The following CABIN1 variants were observed in gnomAD, a reference collection of about 807,000 sequenced individuals.
The protein encoded by CABIN1 is calcineurin-binding protein cabin-1.
Under a neutral mutation model 227.7 loss-of-function variants are expected in CABIN1, and 133 were observed. That is an observed-to-expected ratio of 0.58 (90% CI 0.51 to 0.67). CABIN1 has a LOEUF of 0.67. Among genes scored for constraint, CABIN1 ranks in the 30% least tolerant of loss-of-function variants. The pLI is 0.00. For synonymous variants in CABIN1, 1,086 were observed against 1,155.1 expected, an observed-to-expected ratio of 0.94 and a Z score of 1.21; for missense variants, 2,408 against 2,852.5, an observed-to-expected ratio of 0.84 and a Z score of 3.55.
chr22:24,091,596 G>A lies in CABIN1; in HGVS notation c.3539G>A (p.Arg1180His), dbSNP rs748558069. ...ATCTTCTTACAGATGGAGGGCCGGC[G>A]CGACAGCATGCTAGAGACAGCCAAG... ...PELVQQMEGR[R>H]DSMLETAKHC... The change falls in exon 24 of 37, where the codon CGC becomes CAC. Residue 1180 changes from arginine (R) to histidine (H), a missense_variant. Coordinates refer to ENST00000263119, the MANE Select transcript of CABIN1 (RefSeq NM_012295.4). The A allele has an allele frequency of 1.1e-5, 17 of 1,614,062 alleles. No individual in the cohort carries two copies. Among genetic ancestry groups the A allele is most frequent in the Admixed American group, 3.3e-5 (2 of 60,012 alleles).
chr22:24,156,107 C>G, intron 29 of CABIN1: 1 of 409,470 alleles, frequency 2.4e-6, no homozygotes, highest in East Asian at 3.7e-5. Context: ...GGGGCCGGGA[C>G]TGGGGCCGGG....
chr22:24,012,735 T>C (rs1160280631), intron 1 of CABIN1, among the ~76,000 whole-genome samples: 6 of 152,140 alleles, frequency 3.9e-5, no homozygotes, highest in Non-Finnish European at 8.8e-5. Context: ...TGAATAGATA[T>C]TTTTCTTTTT....
chr22:24,033,843 C>A (rs2146909881), intron 1 of CABIN1, among the ~76,000 whole-genome samples: 1 of 152,300 alleles, frequency 6.6e-6, no homozygotes, highest in South Asian at 2.1e-4. Flanking sequence ...GTAACCACCA[C>A]CACAATCAGT....
intron 27 of CABIN1, 26 bp from the exon 28 acceptor site, chr22:24,119,341 T>C: frequency 6.2e-7 from 1 of 1,602,130 alleles, no homozygotes; most frequent in South Asian, 1.1e-5. Context: ...CCAGGGTGAC[T>C]TTCTTTCCCT....
chr22:24,062,936 C>T (rs2039303182), intron 13 of CABIN1, 23 bp from the exon 14 acceptor site: 1 of 1,611,924 alleles, frequency 6.2e-7, no homozygotes, highest in African/African-American at 1.3e-5. Context: ...ATGAAGTTGA[C>T]TCGTTGGCCT....
intron 28 of CABIN1, among the ~76,000 whole-genome samples, chr22:24,125,031 T>C (rs1056143993): frequency 1.2e-4 from 19 of 152,184 alleles, no homozygotes; most frequent in African/African-American, 4.1e-4. Context: ...TCAGACAGCA[T>C]GGGAAACCTA....
chr22:24,047,410 A>T (rs891326716), intron 6 of CABIN1, among the ~76,000 whole-genome samples: 1 of 152,178 alleles, frequency 6.6e-6, no homozygotes, highest in Non-Finnish European at 1.5e-5. Context: ...TAATGTGCCT[A>T]CTGAGAACCA....
chr22:24,050,348 C>G (rs906134508), intron 7 of CABIN1, among the ~76,000 whole-genome samples: 1 of 152,102 alleles, frequency 6.6e-6, no homozygotes, highest in South Asian at 2.1e-4. Context: ...GAGGTTAGGT[C>G]GCCTCAGAAG....
chr22:24,065,651 G>A (rs1448473398), intron 15 of CABIN1, among the ~76,000 whole-genome samples: 1 of 152,238 alleles, frequency 6.6e-6, no homozygotes, highest in Non-Finnish European at 1.5e-5. Context: ...GCCAAGGCAG[G>A]CGGCTGGGAG....
At chr22:24,075,872 C>T (rs1278508737) in intron 18 of CABIN1, among the ~76,000 whole-genome samples, 1 of 152,066 alleles carries the variant, frequency 6.6e-6, no homozygotes, top group Non-Finnish European at 1.5e-5. Context: ...GACTGAGGTT[C>T]ACCAGATGTC....
rs2040035381 is a variant in CABIN1 at position 24,070,871 on chromosome 22, C to G, written c.2304C>G (p.Val768=). 3.1e-6 allele frequency: 5 copies of G among 1,614,208 alleles called. No individual in the cohort carries two copies. Among genetic ancestry groups the G allele is most frequent in the African/African-American group, 1.3e-5 (1 of 75,064 alleles). Residue 768 remains valine, a synonymous_variant, in exon 17 of 37, where the codon GTC becomes GTG. Coordinates refer to ENST00000263119, the MANE Select transcript of CABIN1 (RefSeq NM_012295.4). The stretch of plus-strand genomic sequence containing the variant: ...CCGATGTGGCTCTGAACGAGGCTGT[C>G]CAGCAGATGGTGAACTCAGGTGAGG... ...ECSDVALNEA[V]QQMVNSGEAA...
chr22:24,097,976 G>A (rs769588196), intron 25 of CABIN1, 38 bp from the exon 26 acceptor site: 1 of 1,613,720 alleles, frequency 6.2e-7, no homozygotes, highest in Non-Finnish European at 8.5e-7. Context: ...ATGTGAGGTG[G>A]AGACTCTGAC....
rs779257922 is a variant in CABIN1, at chr22:24,171,977, A to G, written c.6022A>G (p.Met2008Val). The G allele has an allele frequency of 8.1e-6, 13 of 1,612,276 alleles. No individual in the cohort carries two copies. The highest frequency in any genetic ancestry group is 1.7e-4 in the Middle Eastern group (1 of 6,058). Residue 2008 changes from methionine (M) to valine (V), a missense_variant, in exon 34 of 37, where the codon ATG becomes GTG. Physicochemically the swap from Met to Val is conservative, Grantham distance 21 (BLOSUM62 1). This residue lies in a region of CABIN1 where 714 missense variants were observed against 773.8 expected (regional missense o/e 0.92). Transcript: ENST00000263119. ...ACACAGGCCTGAAGCTACCCCCAGC[A>G]TGGCCTCTCTGGGCCCAGGTGAGTC... ...RPHRPEATPS[M>V]ASLGPEGEEL...
Position 24,070,780 on chromosome 22 carries a change from C to T in CABIN1, c.2233-20C>T. ...GTGCTGAGCTCACCGTGCACTTCAC[C>T]TGGCTTCTTGCTGTACTAGGACTCC... On this transcript the variant is annotated intron_variant, in intron 16 of 36. Coordinates refer to ENST00000263119, the MANE Select transcript of CABIN1 (RefSeq NM_012295.4). 6.2e-7 allele frequency: 1 copy of T among 1,614,090 alleles called. No homozygotes were observed. Among genetic ancestry groups the T allele is most frequent in the Non-Finnish European group, 8.5e-7 (1 of 1,180,000 alleles).
At chr22:24,076,987 C>T (rs2040487619) in intron 19 of CABIN1, among the ~76,000 whole-genome samples, 1 of 152,210 alleles carries the variant, frequency 6.6e-6, no homozygotes, top group Admixed American at 6.5e-5. Context: ...CATGCCCATT[C>T]ATTTACATAT....
intron 28 of CABIN1, among the ~76,000 whole-genome samples, chr22:24,123,038 C>A (rs1224857525): frequency 6.6e-6 from 1 of 152,150 alleles, no homozygotes. Flanking sequence ...ACCCTGTCCA[C>A]ACTCATAGTT....
chr22:24,020,474 A>G (rs1326381449), intron 1 of CABIN1, among the ~76,000 whole-genome samples: 2 of 152,114 alleles, frequency 1.3e-5, no homozygotes, highest in Non-Finnish European at 2.9e-5. Context: ...GGCATGTGCC[A>G]CTATACCCAG....
Position 24,024,558 on chromosome 22 carries a change from T to C in CABIN1, c.-74-10886T>C, listed in dbSNP as rs2035947171. 4.6e-5 allele frequency among the ~76,000 whole-genome samples: 7 copies of C among 152,356 alleles called. No individual in the cohort carries two copies. In the South Asian group the frequency reaches 1.4e-3, roughly 32 times the overall value. On this transcript the variant is annotated intron_variant, in intron 1 of 36. Coordinates refer to ENST00000263119, the MANE Select transcript of CABIN1 (RefSeq NM_012295.4). ...CTTCTTGGATATGTATGTTAATGTC[T>C]TTAATTGGATTTGAGGAGTTTTCAG...
chr22:24,031,609 G>A (rs1222726789), intron 1 of CABIN1, among the ~76,000 whole-genome samples: 1 of 152,222 alleles, frequency 6.6e-6, no homozygotes, highest in Non-Finnish European at 1.5e-5. Context: ...GTAAGTGAAG[G>A]CAGCAGTTCA....
Sources: allele counts gnomAD v4.1 joint callset (sites outside exome capture counted in the v4.1 genomes callset), GRCh38; gene constraint gnomAD v4.1.1; regional missense constraint gnomAD v4.1.1; transcripts MANE v1.5; gene names NCBI Gene and HGNC (gene_info 2026-07-23, HGNC 2026-07-21).